FCHSD2: variants seen among roughly 807,000 people sequenced by gnomAD.
FCHSD2 encodes F-BAR and double SH3 domains protein 2.
In FCHSD2, 38 loss-of-function variants were observed where a neutral mutation model predicts 108.1. The ratio of observed to expected loss-of-function variants is 0.35; its 90% CI spans 0.27 to 0.46. The LOEUF (loss-of-function observed/expected upper bound fraction) is 0.46. Ranked by LOEUF, FCHSD2 falls within the 20% of genes least tolerant of loss-of-function variation. The pLI, the probability that FCHSD2 is intolerant of heterozygous loss-of-function variation, is 1.00. For synonymous variants in FCHSD2, 279 were observed against 314.7 expected (o/e 0.89, Z 1.20); for missense variants, 751 against 897.8 (o/e 0.84, Z 2.09).
chr11:72,981,309 T>A (rs1216513721), intron 8 of FCHSD2, among the ~76,000 whole-genome samples: 1 of 152,154 alleles, frequency 6.6e-6, no homozygotes, highest in Non-Finnish European at 1.5e-5. Flanking sequence ...CATAAAGACT[T>A]CAAAGTAAGT....
chr11:73,094,927 A>G (rs752454357), intron 2 of FCHSD2, among the ~76,000 whole-genome samples: 17 of 152,238 alleles, frequency 1.1e-4, no homozygotes, highest in Non-Finnish European at 2.4e-4. Context: ...GGCAGAAAGC[A>G]AATTATTTGG....
intron 9 of FCHSD2, among the ~76,000 whole-genome samples, chr11:72,912,455 G>A (rs911086353): frequency 2.0e-5 from 3 of 152,120 alleles, no homozygotes; most frequent in African/African-American, 7.2e-5. Flanking sequence ...AACCATCCCT[G>A]CATTCTTGGG....
At chr11:72,985,626 G>A (rs1857296320) in intron 6 of FCHSD2, among the ~76,000 whole-genome samples, 1 of 152,118 alleles carries the variant, frequency 6.6e-6, no homozygotes, top group African/African-American at 2.4e-5. Context: ...CTTCTTGTTT[G>A]GGTACCTGCC....
intron 12 of FCHSD2, among the ~76,000 whole-genome samples, chr11:72,881,115 C>G (rs1332031986): frequency 1.3e-5 from 2 of 152,204 alleles, no homozygotes; most frequent in East Asian, 1.9e-4. Context: ...AAAATACTTG[C>G]AAATTATTCA....
intron 3 of FCHSD2, among the ~76,000 whole-genome samples, chr11:73,076,040 G>A (rs1859543707): frequency 6.6e-6 from 1 of 152,034 alleles, no homozygotes; most frequent in South Asian, 2.1e-4. Flanking sequence ...AATCACCTGA[G>A]CCCCCGGGAG....
chr11:73,015,478 A>G (rs1034201003), intron 4 of FCHSD2, among the ~76,000 whole-genome samples: 17 of 152,144 alleles, frequency 1.1e-4, no homozygotes, highest in African/African-American at 3.6e-4. Context: ...CACCGTCACA[A>G]TAATGTGTTT....
intron 12 of FCHSD2, among the ~76,000 whole-genome samples, chr11:72,885,759 T>C (rs1855184228): frequency 6.6e-6 from 1 of 152,160 alleles, no homozygotes; most frequent in Non-Finnish European, 1.5e-5. Flanking sequence ...CAGTGTTTCT[T>C]AGAGTAGATG....
At chr11:72,929,529 C>T (rs1285685380) in intron 8 of FCHSD2, among the ~76,000 whole-genome samples, 1 of 152,142 alleles carries the variant, frequency 6.6e-6, no homozygotes, top group Non-Finnish European at 1.5e-5. Flanking sequence ...GAATTCAAAG[C>T]ACGGGAAGTG....
At chr11:72,873,423 TTTAAG>T (rs1174452295) in intron 12 of FCHSD2, among the ~76,000 whole-genome samples, 7 of 152,244 alleles carry the variant, frequency 4.6e-5, no homozygotes, top group African/African-American at 1.2e-4. Flanking sequence ...TTTTCCCATT[TTTAAG>T]TTGAGTATTT....
chr11:73,125,132 T>G (rs1192420017), intron 2 of FCHSD2, among the ~76,000 whole-genome samples: 1 of 152,214 alleles, frequency 6.6e-6, no homozygotes, highest in Admixed American at 6.5e-5. Flanking sequence ...CCAGAAATGC[T>G]GAAGGAAGTT....
chr11:73,094,369 A>G (rs1392561552), intron 2 of FCHSD2, among the ~76,000 whole-genome samples: 2 of 152,224 alleles, frequency 1.3e-5, no homozygotes, highest in Non-Finnish European at 2.9e-5. Flanking sequence ...CTGGTCTTAC[A>G]TAATTAAACT....
intron 3 of FCHSD2, 61 bp from the exon 4 acceptor site, chr11:73,015,946 C>A: frequency 2.2e-6 from 2 of 897,030 alleles, no homozygotes; most frequent in Admixed American, 2.6e-5. Flanking sequence ...AGCTCTTTTC[C>A]TTAAAATACA....
intron 3 of FCHSD2, among the ~76,000 whole-genome samples, chr11:73,049,678 G>A (rs1254978378): frequency 7.6e-6 from 1 of 131,460 alleles, no homozygotes; most frequent in Non-Finnish European, 1.6e-5. Flanking sequence ...AAAACTTAGA[G>A]TATAATAAAA....
chr11:72,941,674 C>T (rs888277936), intron 8 of FCHSD2, among the ~76,000 whole-genome samples: 11 of 152,012 alleles, frequency 7.2e-5, no homozygotes, highest in African/African-American at 1.4e-4. Flanking sequence ...CATATATGTA[C>T]GTTTGTTTAA....
chr11:72,931,660 G>A (rs1164449587), intron 8 of FCHSD2, among the ~76,000 whole-genome samples: 1 of 151,894 alleles, frequency 6.6e-6, no homozygotes, highest in African/African-American at 2.4e-5. Flanking sequence ...AGCTACTTGG[G>A]AGGTTGAGTT....
At chr11:72,896,172 G>A (rs927229677) in intron 10 of FCHSD2, among the ~76,000 whole-genome samples, 4 of 152,108 alleles carry the variant, frequency 2.6e-5, no homozygotes, top group African/African-American at 9.7e-5. Context: ...ATAGCATCTA[G>A]AATAACAGGG....
intron 12 of FCHSD2, among the ~76,000 whole-genome samples, chr11:72,883,498 T>C (rs1027970475): frequency 6.6e-6 from 1 of 152,180 alleles, no homozygotes; most frequent in Non-Finnish European, 1.5e-5. Context: ...ACAAATACTT[T>C]ACTAAGGGGG....
At position 72,958,922 on chromosome 11, in the gene FCHSD2, T is replaced by C. The variant is rs899647096; in HGVS notation, c.705+25166A>G. 2.6e-5 allele frequency among the ~76,000 whole-genome samples: 4 copies of C among 152,266 alleles called. No homozygotes were observed. The South Asian group carries it at 6.2e-4, about 24-fold the overall frequency. ...ATCTATGGAAACAGAAGCACTGGAA[T>C]AGATAAGTCTCTCAATTATTTTCTT... On this transcript the variant is annotated intron_variant, in intron 8 of 19. Transcript: ENST00000409418.
intron 9 of FCHSD2, among the ~76,000 whole-genome samples, chr11:72,917,183 C>A (rs1346541547): frequency 6.6e-6 from 1 of 152,062 alleles, no homozygotes; most frequent in Admixed American, 6.5e-5. Flanking sequence ...TGAGGTTTCA[C>A]CATATTGGCC....
Sources: gnomAD v4.1 joint callset for allele counts (sites outside exome capture counted in the v4.1 genomes callset) on GRCh38, gnomAD v4.1.1 for gene constraint, MANE v1.5 for transcripts, NCBI Gene and HGNC (gene_info 2026-07-23, HGNC 2026-07-21) for gene names.